The following IMMP2L variants were observed in gnomAD, a reference collection of about 807,000 sequenced individuals.
IMMP2L encodes mitochondrial inner membrane protease subunit 2.
Under a neutral mutation model 19.3 loss-of-function variants are expected in IMMP2L, and 18 were observed. That is an observed-to-expected ratio of 0.93 (90% CI 0.64 to 1.38). The LOEUF is 1.38. Ranked by LOEUF, IMMP2L falls within the 40% of genes most tolerant of loss-of-function variation. The pLI is 0.00. For synonymous variants in IMMP2L, 76 were observed against 73.0 expected (o/e 1.04, Z -0.21); for missense variants, 233 against 218.2 (o/e 1.07, Z -0.43).
At chr7:110,729,930 T>C (rs1227098777) in intron 5 of IMMP2L, among the ~76,000 whole-genome samples, 1 of 57,822 alleles carries the variant, frequency 1.7e-5, no homozygotes, top group Non-Finnish European at 5.5e-5. Context: ...TAAAAGTTGA[T>C]TTTTTTTTTT....
intron 2 of IMMP2L, among the ~76,000 whole-genome samples, chr7:111,517,236 G>A (rs937707962): frequency 2.6e-5 from 4 of 151,990 alleles, no homozygotes; most frequent in Non-Finnish European, 5.9e-5. Flanking sequence ...ACCCATAAAT[G>A]TATGTTATTG....
At chr7:110,862,346 T>TA (rs1563033976) in intron 5 of IMMP2L, among the ~76,000 whole-genome samples, 1 of 151,722 alleles carries the variant, frequency 6.6e-6, no homozygotes, top group African/African-American at 2.4e-5. Context: ...ATACATTTTT[T>TA]ATTTTTTTTT....
intron 3 of IMMP2L, among the ~76,000 whole-genome samples, chr7:111,191,130 C>A (rs1239676920): frequency 6.6e-6 from 1 of 152,120 alleles, no homozygotes; most frequent in Non-Finnish European, 1.5e-5. Context: ...GCCTGGCTTA[C>A]AAGTCTTCAT....
intron 1 of IMMP2L, among the ~76,000 whole-genome samples, chr7:111,534,039 G>C (rs1847645536): frequency 6.6e-6 from 1 of 151,858 alleles, no homozygotes. Context: ...GACATAAAAA[G>C]ATGTACAAAC....
intron 5 of IMMP2L, among the ~76,000 whole-genome samples, chr7:110,736,398 A>G (rs1198209869): frequency 1.3e-5 from 2 of 152,202 alleles, no homozygotes; most frequent in East Asian, 3.9e-4. Context: ...AATATCCAGT[A>G]AAGCTGTGTG....
chr7:111,020,070 C>T (rs1826121878), intron 3 of IMMP2L, among the ~76,000 whole-genome samples: 1 of 149,070 alleles, frequency 6.7e-6, no homozygotes, highest in Non-Finnish European at 1.5e-5. Flanking sequence ...TTTCTAGACA[C>T]TAGGGATACA....
intron 3 of IMMP2L, among the ~76,000 whole-genome samples, chr7:110,999,783 T>C (rs1434305988): frequency 1.3e-5 from 2 of 152,110 alleles, no homozygotes; most frequent in Non-Finnish European, 2.9e-5. Flanking sequence ...GGGGTTGCTG[T>C]TGTGGGCTTC....
intron 4 of IMMP2L, among the ~76,000 whole-genome samples, chr7:110,895,157 T>G (rs1811196618): frequency 6.6e-6 from 1 of 152,144 alleles, no homozygotes; most frequent in Non-Finnish European, 1.5e-5. Context: ...AGAGAGCTTT[T>G]GCAGGGTAAC....
At chr7:111,527,898 A>C (rs953569190) in intron 1 of IMMP2L, among the ~76,000 whole-genome samples, 3 of 151,624 alleles carry the variant, frequency 2.0e-5, no homozygotes, top group Non-Finnish European at 3.0e-5. Context: ...AAGCAAGAGC[A>C]ATAAAAGCTA....
At chr7:111,391,853 C>T (rs1007651648) in intron 3 of IMMP2L, 2 of 702,476 alleles carry the variant, frequency 2.8e-6, no homozygotes, top group East Asian at 2.7e-5. Context: ...TTTCAGTTGC[C>T]TCCACTCTCC....
intron 5 of IMMP2L, among the ~76,000 whole-genome samples, chr7:110,814,877 T>C (rs554697647): frequency 3.6e-4 from 55 of 152,048 alleles, no homozygotes; most frequent in African/African-American, 1.2e-3. Context: ...TGATATTTAA[T>C]CTATTTCCTC....
intron 5 of IMMP2L, among the ~76,000 whole-genome samples, chr7:110,696,892 T>C (rs1003117837): frequency 6.6e-6 from 1 of 152,146 alleles, no homozygotes; most frequent in African/African-American, 2.4e-5. Flanking sequence ...CCATTTGACA[T>C]ATATTGTGTT....
At chr7:110,678,394 G>C (rs956407) in intron 5 of IMMP2L, among the ~76,000 whole-genome samples, 8,879 of 152,132 alleles carry the variant, frequency 0.058, 309 homozygotes, top group Middle Eastern at 0.12. Flanking sequence ...AGTCTGAATT[G>C]TGTACTATAA....
At chr7:111,424,908 G>T (rs1407138917) in intron 3 of IMMP2L, among the ~76,000 whole-genome samples, 1 of 151,586 alleles carries the variant, frequency 6.6e-6, no homozygotes, top group African/African-American at 2.4e-5. Context: ...TGACTTTCAG[G>T]TTTACACAGT....
intron 3 of IMMP2L, among the ~76,000 whole-genome samples, chr7:111,046,762 T>G (rs1792437592): frequency 6.6e-6 from 1 of 152,074 alleles, no homozygotes; most frequent in Non-Finnish European, 1.5e-5. Flanking sequence ...AGGGATGAAA[T>G]GATAACAATA....
intron 5 of IMMP2L, among the ~76,000 whole-genome samples, chr7:110,770,668 G>A (rs548254262): frequency 1.3e-5 from 2 of 152,054 alleles, no homozygotes; most frequent in African/African-American, 2.4e-5. Context: ...GGAAGGTATC[G>A]AAGACTGTAC....
chr7:110,999,356 T>G (rs1823391225), intron 3 of IMMP2L, among the ~76,000 whole-genome samples: 1 of 148,640 alleles, frequency 6.7e-6, no homozygotes, highest in Non-Finnish European at 1.5e-5. Flanking sequence ...TTCTGGATTG[T>G]ACCTCTTTTA....
chr7:110,669,551 G>C (rs762424767), intron 5 of IMMP2L, among the ~76,000 whole-genome samples: 1 of 152,168 alleles, frequency 6.6e-6, no homozygotes, highest in African/African-American at 2.4e-5. Context: ...CATCACACTT[G>C]ACATATACAA....
intron 3 of IMMP2L, among the ~76,000 whole-genome samples, chr7:111,261,734 A>G (rs1817328998): frequency 6.6e-6 from 1 of 152,134 alleles, no homozygotes; most frequent in South Asian, 2.1e-4. Context: ...TATTCAGATG[A>G]TTCAGATAGG....
Sources: allele counts gnomAD v4.1 joint callset (sites outside exome capture counted in the v4.1 genomes callset), GRCh38; gene constraint gnomAD v4.1.1; transcripts MANE v1.5; gene names NCBI Gene and HGNC (gene_info 2026-07-23, HGNC 2026-07-21).